DIABLO: variants seen among roughly 807,000 people sequenced by gnomAD.
DIABLO encodes the protein diablo IAP-binding mitochondrial protein.
A neutral mutation model predicts 31.7 loss-of-function variants in DIABLO; 32 were observed. The observed-to-expected ratio is 1.01, with a 90% CI of 0.76 to 1.35. The LOEUF (loss-of-function observed/expected upper bound fraction) is 1.35, where lower values mean the gene tolerates loss of function less well. DIABLO is among the 40% of genes most tolerant of loss of function. The pLI, the probability that DIABLO is intolerant of heterozygous loss-of-function variation, is 0.00. For missense variants in DIABLO, 316 were observed against 286.4 expected, an observed-to-expected ratio of 1.10 and a Z score of -0.75; for synonymous variants, 132 against 103.2, an observed-to-expected ratio of 1.28 and a Z score of -1.69.
intron 5 of DIABLO, among the ~76,000 whole-genome samples, chr12:122,210,770 AGAGG>A (rs931635543): frequency 1.3e-5 from 2 of 152,176 alleles, no homozygotes; most frequent in Admixed American, 6.6e-5. Context: ...ATGTAAATTT[AGAGG>A]GAGGGGGCAA....
At chr12:122,226,424 G>T, upstream of DIABLO, 1 of 693,818 alleles carries the variant, frequency 1.4e-6, no homozygotes, top group Non-Finnish European at 2.6e-6. Context: ...CGCGGCGACG[G>T]CGCTGTCACT....
In DIABLO at chr12:122,213,507, G is replaced by GAA. The variant is rs368276624; in HGVS notation, c.523+2979_523+2980dup. On this transcript the variant is annotated intron_variant, in intron 5 of 5. Coordinates refer to ENST00000464942, the MANE Select transcript of DIABLO (RefSeq NM_001371333.1). ...TAACAGAGTAAGACCTTGTCTCAGG[G>GAA]AAAAAAAAAAAAAAAATTCCGTTTA... Among the ~76,000 whole-genome samples the GAA allele has an allele frequency of 1.0e-4, 14 of 136,576 alleles. 1 individual carries two copies. Among genetic ancestry groups the GAA allele is most frequent in the African/African-American group, 3.9e-4 (14 of 36,138 alleles). The allele number at this position is 136,576 out of a possible 152,430, so 89.6% of individuals were successfully genotyped here.
intron 1 of DIABLO, chr12:122,224,929 C>T (rs912579784): frequency 2.0e-6 from 2 of 980,432 alleles, no homozygotes; most frequent in Admixed American, 6.1e-5. Context: ...GGCAACATGG[C>T]TGGCAACATG....
chr12:122,211,138 G>A (rs1423577519), intron 5 of DIABLO, among the ~76,000 whole-genome samples: 3 of 128,870 alleles, frequency 2.3e-5, no homozygotes, highest in East Asian at 2.7e-4. Flanking sequence ...AGTGGCTCAC[G>A]CCTGTAATCC....
At chr12:122,212,547 A>G (rs549430128) in intron 5 of DIABLO, among the ~76,000 whole-genome samples, 15 of 150,694 alleles carry the variant, frequency 1.0e-4, no homozygotes, top group Admixed American at 9.2e-4. Flanking sequence ...TAGGTAATCT[A>G]TTTTTTCTTA....
chr12:122,226,117 A>T, upstream of DIABLO: 1 of 1,489,658 alleles, frequency 6.7e-7, no homozygotes, highest in Admixed American at 2.0e-5. Context: ...CCCCATAGCC[A>T]CGCCCCCACC....
chr12:122,226,518 A>C (rs1477779372), upstream of DIABLO: 2 of 699,214 alleles, frequency 2.9e-6, no homozygotes, highest in Non-Finnish European at 5.2e-6. Context: ...GAAGGCGAGC[A>C]GCTCCCGCAG....
chr12:122,218,851 G>C (rs908018318), intron 2 of DIABLO: 1 of 204,466 alleles, frequency 4.9e-6, no homozygotes, highest in Non-Finnish European at 9.9e-6. Flanking sequence ...GCTGAGGCAG[G>C]AGAATCGACT....
chr12:122,211,919 T>C (rs1184954051), intron 5 of DIABLO, among the ~76,000 whole-genome samples: 2 of 152,224 alleles, frequency 1.3e-5, no homozygotes, highest in Non-Finnish European at 2.9e-5. Flanking sequence ...TAGCTAAATT[T>C]TGGAACACAA....
intron 2 of DIABLO, among the ~76,000 whole-genome samples, chr12:122,223,968 A>T (rs544102818): frequency 1.3e-5 from 2 of 151,886 alleles, no homozygotes; most frequent in Admixed American, 1.3e-4. Context: ...ACCCGGCTAA[A>T]TTTTTCTGTT....
At chr12:122,227,009 A>C (rs1954493172), upstream of DIABLO, among the ~76,000 whole-genome samples, 1 of 152,204 alleles carries the variant, frequency 6.6e-6, no homozygotes, top group South Asian at 2.1e-4. Context: ...GGAGGAAGGC[A>C]CAGGCCCAAA....
intron 3 of DIABLO, 44 bp downstream of exon 3, chr12:122,218,222 G>A (rs1954256854): frequency 1.9e-6 from 3 of 1,607,158 alleles, no homozygotes; most frequent in Non-Finnish European, 2.6e-6. Flanking sequence ...GCCATTATTT[G>A]CTAAACCATG....
intron 5 of DIABLO, among the ~76,000 whole-genome samples, chr12:122,210,715 CCTTTT>C (rs1954067541): frequency 6.6e-6 from 1 of 151,958 alleles, no homozygotes; most frequent in Non-Finnish European, 1.5e-5. Context: ...GTTGTCTCTT[CCTTTT>C]GTCACCTGGT....
chr12:122,226,467 A>G, upstream of DIABLO: 1 of 697,486 alleles, frequency 1.4e-6, no homozygotes, highest in Non-Finnish European at 2.6e-6. Flanking sequence ...CCAGCCGGCC[A>G]GCAGCAGCGC....
intron 5 of DIABLO, 98 bp from the exon 6 acceptor site, chr12:122,208,675 C>A: frequency 8.0e-7 from 1 of 1,248,760 alleles, no homozygotes; most frequent in Non-Finnish European, 1.1e-6. Flanking sequence ...CATCTGAACC[C>A]CTCTTGGGGT....
At position 122,214,244 on chromosome 12, in the gene DIABLO, G is replaced by C. The variant is rs184509167; in HGVS notation, c.523+2244C>G. The stretch of plus-strand genomic sequence containing the variant: ...TCTGTTGCACAGGCTGGAGTGCAAT[G>C]ATCTCACCTCACTGCAACCTCTGCC... On this transcript the variant is annotated intron_variant, in intron 5 of 5. Transcript: ENST00000464942. Among the ~76,000 whole-genome samples the C allele has an allele frequency of 1.6e-4, 25 of 152,146 alleles. No homozygotes were observed. The East Asian group carries it at 4.6e-3, about 28-fold the overall frequency.
At chr12:122,218,211 A>G in intron 3 of DIABLO, 55 bp downstream of exon 3, 1 of 1,603,978 alleles carries the variant, frequency 6.2e-7, no homozygotes, top group Non-Finnish European at 8.5e-7. Flanking sequence ...TTTGGTTGTG[A>G]GCCATTATTT....
chr12:122,226,154 CA>C, upstream of DIABLO: 2 of 1,311,416 alleles, frequency 1.5e-6, no homozygotes, highest in East Asian at 2.5e-5. Flanking sequence ...ATTGGGCAGG[CA>C]GGGGGAAAGG....
chr12:122,209,423 G>A (rs1375650234), intron 5 of DIABLO, among the ~76,000 whole-genome samples: 1 of 152,066 alleles, frequency 6.6e-6, no homozygotes, highest in Non-Finnish European at 1.5e-5. Flanking sequence ...TAGCACTTTG[G>A]GATGCCGAGG....
Sources: allele counts gnomAD v4.1 joint callset (sites outside exome capture counted in the v4.1 genomes callset), GRCh38; gene constraint gnomAD v4.1.1; transcripts MANE v1.5; gene names NCBI Gene and HGNC (gene_info 2026-07-23, HGNC 2026-07-21).